NFIA: variants seen among roughly 807,000 people sequenced by gnomAD.
NFIA encodes nuclear factor 1 A-type.
In NFIA, 8 loss-of-function variants were observed where a neutral mutation model predicts 62.8. The ratio of observed to expected loss-of-function variants is 0.13; its 90% CI spans 0.07 to 0.23. NFIA has a LOEUF of 0.23. Ranked by LOEUF, NFIA falls within the 10% of genes least tolerant of loss-of-function variation. NFIA has a pLI of 1.00. For missense variants in NFIA, 410 were observed against 642.1 expected, an observed-to-expected ratio of 0.64 and a Z score of 3.91; for synonymous variants, 235 against 238.1, an observed-to-expected ratio of 0.99 and a Z score of 0.12.
chr1:61,159,477 C>T (rs1171833994), intron 2 of NFIA, among the ~76,000 whole-genome samples: 3 of 152,074 alleles, frequency 2.0e-5, no homozygotes, highest in Non-Finnish European at 1.5e-5. Flanking sequence ...CTGACAAGCT[C>T]GCTGAGACAT....
intron 4 of NFIA, among the ~76,000 whole-genome samples, chr1:61,338,322 A>C (rs958058774): frequency 2.0e-5 from 3 of 152,196 alleles, no homozygotes; most frequent in African/African-American, 7.2e-5. Context: ...CCACTACAGG[A>C]TTCCTGAGTT....
intron 2 of NFIA, among the ~76,000 whole-genome samples, chr1:61,237,235 G>A (rs988274974): frequency 2.6e-5 from 4 of 152,318 alleles, no homozygotes; most frequent in Admixed American, 6.5e-5. Flanking sequence ...CATGTCGCAA[G>A]TCAAAGCACT....
intron 2 of NFIA, among the ~76,000 whole-genome samples, chr1:61,275,633 C>T (rs1173857791): frequency 6.6e-6 from 1 of 151,958 alleles, no homozygotes; most frequent in Non-Finnish European, 1.5e-5. Flanking sequence ...GTATCTGTTT[C>T]GGGACATGAT....
At chr1:61,248,117 C>A (rs944876103) in intron 2 of NFIA, among the ~76,000 whole-genome samples, 1 of 152,086 alleles carries the variant, frequency 6.6e-6, no homozygotes, top group South Asian at 2.1e-4. Context: ...AGCTACTGAA[C>A]TAGGTGCAGG....
chr1:61,193,778 T>G (rs1406439420), intron 2 of NFIA, among the ~76,000 whole-genome samples: 1 of 152,230 alleles, frequency 6.6e-6, no homozygotes, highest in East Asian at 1.9e-4. Context: ...TGACCACTTT[T>G]TCCTTTTAAC....
intron 7 of NFIA, among the ~76,000 whole-genome samples, chr1:61,395,106 CAGAG>C (rs139029053): frequency 3.3e-5 from 5 of 149,918 alleles, no homozygotes; most frequent in Non-Finnish European, 7.4e-5. Context: ...AACCCTGTCT[CAGAG>C]AGAGAGAGAG....
chr1:61,337,484 C>T (rs900720806), intron 4 of NFIA, among the ~76,000 whole-genome samples: 5 of 152,076 alleles, frequency 3.3e-5, no homozygotes, highest in Admixed American at 3.3e-4. Context: ...TATTTATTGC[C>T]TTGTTCCAGG....
intron 6 of NFIA, among the ~76,000 whole-genome samples, chr1:61,379,565 G>A (rs573302617): frequency 6.1e-4 from 92 of 151,802 alleles, no homozygotes; most frequent in African/African-American, 2.0e-3. Flanking sequence ...ATGTCACCAT[G>A]CCCAGCTAAG....
At chr1:61,267,858 G>A (rs753403846) in intron 2 of NFIA, among the ~76,000 whole-genome samples, 4 of 152,132 alleles carry the variant, frequency 2.6e-5, no homozygotes, top group Non-Finnish European at 5.9e-5. Context: ...GAGGGACCTT[G>A]CCTTTTTTCA....
In NFIA at chr1:61,401,734, G is replaced by A. The variant is rs150878487; in HGVS notation, c.1076-2370G>A. Reference sequence around the variant, plus strand: ...GCATTCTGCAAAAGTTGAGTGTTTCGTTTTGTTAGGCTCAGTATATTCTCA... The same window carrying A: ...GCATTCTGCAAAAGTTGAGTGTTTCATTTTGTTAGGCTCAGTATATTCTCA... On this transcript the variant is annotated intron_variant, in intron 7 of 10. Coordinates refer to ENST00000403491, the MANE Select transcript of NFIA (RefSeq NM_001134673.4). Among the ~76,000 whole-genome samples, 751 of 152,292 alleles carry A rather than the reference G, an allele frequency of 4.9e-3. 8 individuals are homozygous for A. The highest frequency in any genetic ancestry group is 5.8e-3 in the Non-Finnish European group (397 of 68,022).
intron 2 of NFIA, among the ~76,000 whole-genome samples, chr1:61,167,522 G>A (rs1405278892): frequency 1.3e-5 from 2 of 152,102 alleles, no homozygotes; most frequent in African/African-American, 4.8e-5. Flanking sequence ...TGCCTTTTTG[G>A]TAGCGGTGTT....
intron 2 of NFIA, among the ~76,000 whole-genome samples, chr1:61,104,691 T>C (rs1286185381): frequency 6.6e-6 from 1 of 152,052 alleles, no homozygotes; most frequent in Non-Finnish European, 1.5e-5. Context: ...TCTGGCCCTG[T>C]TTTCATATCT....
chr1:61,455,210 G>A lies in NFIA; in HGVS notation c.1513-93G>A, dbSNP rs774194648. The A allele has an allele frequency of 3.8e-5, 51 of 1,348,388 alleles. No individual in the cohort carries two copies. The South Asian group carries it at 4.8e-4, about 13-fold the overall frequency. The allele number at this position is 1,348,388 out of a possible 1,614,324, so 83.5% of individuals were successfully genotyped here. ...AGCGAATCCCTCCCGCATCCCTAAC[G>A]TAGATCCTGATTTCGTGGTTGAAAA... On this transcript the variant is annotated intron_variant, in intron 10 of 10. Transcript: ENST00000403491.
chr1:61,452,730 A>G (rs1668113574), intron 10 of NFIA, among the ~76,000 whole-genome samples: 1 of 152,184 alleles, frequency 6.6e-6, no homozygotes. Context: ...TGCAGCCCAA[A>G]AACCTGGAGT....
chr1:61,379,948 A>T (rs578123106), intron 6 of NFIA, among the ~76,000 whole-genome samples: 1 of 152,190 alleles, frequency 6.6e-6, no homozygotes, highest in Admixed American at 6.5e-5. Flanking sequence ...CTTTGCACTT[A>T]TAAGTGCCTC....
intron 2 of NFIA, among the ~76,000 whole-genome samples, chr1:61,264,815 T>C (rs1007915122): frequency 6.6e-6 from 1 of 152,144 alleles, no homozygotes; most frequent in Non-Finnish European, 1.5e-5. Context: ...GGAAAATATT[T>C]TTATCTCCCC....
At chr1:61,435,199 G>A (rs1226122431) in intron 10 of NFIA, among the ~76,000 whole-genome samples, 2 of 152,188 alleles carry the variant, frequency 1.3e-5, no homozygotes, top group African/African-American at 4.8e-5. Context: ...TCAAGGAGTA[G>A]GACAGACCTG....
chr1:61,371,586 C>T (rs1015008294), intron 6 of NFIA, among the ~76,000 whole-genome samples: 1 of 152,166 alleles, frequency 6.6e-6, no homozygotes, highest in Non-Finnish European at 1.5e-5. Context: ...TTATCTGCCA[C>T]TTGGCCTACT....
intron 9 of NFIA, among the ~76,000 whole-genome samples, chr1:61,415,388 T>C (rs975923562): frequency 7.2e-5 from 11 of 151,764 alleles, no homozygotes; most frequent in African/African-American, 2.4e-4. Flanking sequence ...AAAAACACCA[T>C]GAACAAAGTC....
Sources: gnomAD v4.1 joint callset for allele counts (sites outside exome capture counted in the v4.1 genomes callset) on GRCh38, gnomAD v4.1.1 for gene constraint, MANE v1.5 for transcripts, NCBI Gene and HGNC (gene_info 2026-07-23, HGNC 2026-07-21) for gene names.